Variants in PRKCB observed in about 807,000 individuals in gnomAD.
PRKCB encodes protein kinase C beta type.
Under a neutral mutation model 81.5 loss-of-function variants are expected in PRKCB, and 13 were observed. That is an observed-to-expected ratio of 0.16 (90% CI 0.10 to 0.25). The LOEUF is 0.25. Among genes scored for constraint, PRKCB ranks in the 10% least tolerant of loss-of-function variants. The pLI, the probability that PRKCB is intolerant of heterozygous loss-of-function variation, is 1.00. For missense variants in PRKCB, 509 were observed against 875.7 expected, an observed-to-expected ratio of 0.58 and a Z score of 5.29; for synonymous variants, 335 against 321.4, an observed-to-expected ratio of 1.04 and a Z score of -0.45.
intron 13 of PRKCB, among the ~76,000 whole-genome samples, chr16:24,184,134 G>A (rs1967667667): frequency 6.6e-6 from 1 of 152,156 alleles, no homozygotes; most frequent in Non-Finnish European, 1.5e-5. Context: ...AATTGATTAT[G>A]TTCATATACA....
At chr16:24,169,990 C>T (rs565329522) in intron 10 of PRKCB, among the ~76,000 whole-genome samples, 2 of 152,282 alleles carry the variant, frequency 1.3e-5, no homozygotes, top group South Asian at 4.1e-4. Context: ...CTATGTTAGC[C>T]AGGCTGGTCT....
At chr16:24,172,834 A>G (rs906590890) in intron 11 of PRKCB, among the ~76,000 whole-genome samples, 2 of 152,078 alleles carry the variant, frequency 1.3e-5, no homozygotes, top group Admixed American at 1.3e-4. Context: ...TTCCTTGGGG[A>G]TTATCATTGT....
intron 3 of PRKCB, among the ~76,000 whole-genome samples, chr16:24,004,478 CAA>C (rs71154264): frequency 2.1e-4 from 10 of 47,422 alleles, no homozygotes; most frequent in South Asian, 6.8e-4. Flanking sequence ...CAAGTCTCTA[CAA>C]AAAAAAAAAA....
chr16:24,161,533 A>G (rs1967257826), intron 10 of PRKCB, among the ~76,000 whole-genome samples: 1 of 152,182 alleles, frequency 6.6e-6, no homozygotes, highest in Non-Finnish European at 1.5e-5. Context: ...GTACCACAAG[A>G]TGGCAAAGTT....
chr16:23,854,912 C>T (rs1236396364), intron 2 of PRKCB, among the ~76,000 whole-genome samples: 1 of 152,090 alleles, frequency 6.6e-6, no homozygotes, highest in Admixed American at 6.6e-5. Context: ...ACATTTACAC[C>T]TGATAATAAT....
At position 24,155,985 on chromosome 16, in the gene PRKCB, C is replaced by T. The variant is rs148314002; in HGVS notation, c.1239+1128C>T. Among the ~76,000 whole-genome samples the T allele has an allele frequency of 5.6e-4, 86 of 152,256 alleles. 1 individual carries two copies. The highest frequency in any genetic ancestry group is 1.9e-3 in the African/African-American group (79 of 41,524). On this transcript the variant is annotated intron_variant, in intron 10 of 16. Transcript: ENST00000643927. ...GGTGACCTGTTCTTTCATCTGAAGTCGTATAATGGCTTGTTGTCTCTCATA... is the reference window on the plus strand; with the variant it reads ...GGTGACCTGTTCTTTCATCTGAAGTTGTATAATGGCTTGTTGTCTCTCATA...
At chr16:23,902,989 CT>C (rs71988386) in intron 2 of PRKCB, among the ~76,000 whole-genome samples, 13 of 139,026 alleles carry the variant, frequency 9.4e-5, no homozygotes, top group South Asian at 9.2e-4. Flanking sequence ...TTTTTCTTTT[CT>C]TTTTTTTTTT....
intron 5 of PRKCB, among the ~76,000 whole-genome samples, chr16:24,068,680 A>C (rs1036064404): frequency 1.3e-5 from 2 of 152,238 alleles, no homozygotes; most frequent in Admixed American, 6.5e-5. Flanking sequence ...TAATTATGTA[A>C]AAATTGAATG....
At chr16:23,996,327 A>G (rs1310828563) in intron 3 of PRKCB, among the ~76,000 whole-genome samples, 1 of 152,194 alleles carries the variant, frequency 6.6e-6, no homozygotes, top group South Asian at 2.1e-4. Context: ...TGGGCTCATG[A>G]ACAAAGTGGC....
At chr16:24,067,190 T>C (rs1966047097) in intron 5 of PRKCB, among the ~76,000 whole-genome samples, 1 of 152,176 alleles carries the variant, frequency 6.6e-6, no homozygotes, top group Non-Finnish European at 1.5e-5. Flanking sequence ...TGGTGAAACT[T>C]TCCACATTGT....
At chr16:24,140,290 T>C (rs1324894708) in intron 9 of PRKCB, among the ~76,000 whole-genome samples, 1 of 152,154 alleles carries the variant, frequency 6.6e-6, no homozygotes, top group African/African-American at 2.4e-5. Flanking sequence ...TGGTCAAAGT[T>C]GGAAGTTTAG....
chr16:23,902,737 CCTTCCTTCCTTCCTTCCTT>C (rs1963496513), intron 2 of PRKCB, among the ~76,000 whole-genome samples: 1 of 19,116 alleles, frequency 5.2e-5, no homozygotes, highest in African/African-American at 1.9e-4. Context: ...TTCCTCCCTT[CCTTCCTTCCTTCCTTCCTT>C]CCTTCCTTCC....
At chr16:23,943,182 C>T (rs1490381914) in intron 2 of PRKCB, among the ~76,000 whole-genome samples, 6 of 152,148 alleles carry the variant, frequency 3.9e-5, no homozygotes, top group Admixed American at 3.9e-4. Context: ...GTGTTCTCCA[C>T]TATAAAAGGA....
intron 7 of PRKCB, among the ~76,000 whole-genome samples, chr16:24,112,017 A>T (rs922996307): frequency 6.6e-6 from 1 of 152,238 alleles, no homozygotes; most frequent in African/African-American, 2.4e-5. Flanking sequence ...TTATGAGATG[A>T]GATTTGCACC....
intron 2 of PRKCB, among the ~76,000 whole-genome samples, chr16:23,888,415 G>T (rs1388523382): frequency 6.6e-6 from 1 of 152,206 alleles, no homozygotes. Context: ...CTGTAGCAGG[G>T]CCAGGCCACA....
intron 5 of PRKCB, among the ~76,000 whole-genome samples, chr16:24,067,062 G>C (rs1966044418): frequency 6.6e-6 from 1 of 151,646 alleles, no homozygotes; most frequent in African/African-American, 2.4e-5. Context: ...TGTTGCCCCA[G>C]GCTGGTCTTG....
intron 2 of PRKCB, among the ~76,000 whole-genome samples, chr16:23,909,933 G>A (rs191246818): frequency 6.6e-6 from 1 of 151,954 alleles, no homozygotes; most frequent in Non-Finnish European, 1.5e-5. Flanking sequence ...CCTCCCAAAG[G>A]CCCCACCTCC....
chr16:24,001,116 T>C (rs1050645426), intron 3 of PRKCB, among the ~76,000 whole-genome samples: 7 of 152,154 alleles, frequency 4.6e-5, no homozygotes, highest in African/African-American at 1.4e-4. Flanking sequence ...GAGCCTCTCC[T>C]GCTCTATAAG....
At chr16:24,039,634 G>A (rs2141860806) in intron 5 of PRKCB, among the ~76,000 whole-genome samples, 1 of 152,348 alleles carries the variant, frequency 6.6e-6, no homozygotes, top group Non-Finnish European at 1.5e-5. Flanking sequence ...ATGGAGGTGG[G>A]AAGGTAGAGT....
Sources: gnomAD v4.1 joint callset for allele counts (sites outside exome capture counted in the v4.1 genomes callset) on GRCh38, gnomAD v4.1.1 for gene constraint, MANE v1.5 for transcripts, NCBI Gene and HGNC (gene_info 2026-07-23, HGNC 2026-07-21) for gene names.